Variants in OR14A16 observed in about 807,000 individuals in gnomAD.
OR14A16 encodes the protein olfactory receptor family 14 subfamily A member 16, also known as olfactory receptor 14A16.
For synonymous variants in OR14A16, 135 were observed against 137.6 expected (o/e 0.98, Z 0.13); for missense variants, 341 against 366.5 (o/e 0.93, Z 0.57).
In OR14A16 at chr1:247,815,025, G is replaced by T. The variant is rs771881988; in HGVS notation, c.705C>A (p.Ala235=). 4.3e-6 allele frequency: 7 copies of T among 1,613,450 alleles called. No individual in the cohort carries two copies. The highest frequency in any genetic ancestry group is 1.3e-5 in the African/African-American group (1 of 74,914). Residue 235 remains alanine (A), a synonymous_variant, in exon 3 of 3, where the codon GCC becomes GCA. Transcript: ENST00000641093. The stretch of plus-strand genomic sequence containing the variant: ...GCAAGTGTGGAAGGCAAATAGAGTA[G>T]GCTTTTGACTGGCCTTCTGTGGAAG... ...KIPSTEGQSK[A]YSICLPHLLV... is the part of the protein sequence containing the mutation.
At position 247,814,894 on chromosome 1, in the gene OR14A16, G is replaced by C. The variant is rs1460664134; in HGVS notation, c.836C>G (p.Pro279Arg). 5 of 1,613,906 alleles carry C rather than the reference G, an allele frequency of 3.1e-6. No individual in the cohort carries two copies. The highest frequency in any genetic ancestry group is 4.2e-6 in the Non-Finnish European group (5 of 1,179,924). ...GTATATAATGGGATTAAAGGTTGGG[G>C]GCAGCATAGTGTAGAACACAGAAAT... ...AVISVFYTML[P>R]PTFNPIIYSL... The change falls in exon 3 of 3, where the codon CCC becomes CGC. Residue 279 changes from proline to arginine, a missense_variant. Transcript: ENST00000641093.
chr1:247,818,002 A>C (rs1401796880), intron 2 of OR14A16, among the ~76,000 whole-genome samples: 1 of 152,146 alleles, frequency 6.6e-6, no homozygotes, highest in Non-Finnish European at 1.5e-5. Context: ...GGAAAAGCTA[A>C]TACTGCTACT....
intron 1 of OR14A16, among the ~76,000 whole-genome samples, chr1:247,819,378 C>T (rs1010956721): frequency 8.3e-6 from 1 of 120,410 alleles, no homozygotes; most frequent in Non-Finnish European, 1.8e-5. Flanking sequence ...GAGTTTAGCA[C>T]AGCCCCAGGG....
chr1:247,820,583 C>T (rs1465730120), intron 1 of OR14A16, among the ~76,000 whole-genome samples: 1 of 151,932 alleles, frequency 6.6e-6, no homozygotes, highest in African/African-American at 2.4e-5. Context: ...CGGTCGTGCA[C>T]ACCTGTAATC....
rs1662680342 is a variant in OR14A16, at chr1:247,819,135, T to C, written c.-88A>G. 3 of 152,176 alleles carry C rather than the reference T, an allele frequency of 2.0e-5. No homozygotes were observed. The highest frequency in any genetic ancestry group is 2.0e-4 in the Admixed American group (3 of 15,276). 9.4% of individuals were successfully genotyped at this position (152,176 alleles called of 1,614,324 possible). On this transcript the variant is annotated 5_prime_UTR_variant, in exon 2 of 3. It removes an upstream start codon present in the reference 5' UTR. Coordinates refer to ENST00000641093, the MANE Select transcript of OR14A16 (RefSeq NM_001001966.2). Reference sequence around the variant, plus strand: ...CTTGTTTTCAATGCTTCTTTATTCATTTATAGAGTGCTTACTAAAGGCCAG... The same window carrying C: ...CTTGTTTTCAATGCTTCTTTATTCACTTATAGAGTGCTTACTAAAGGCCAG...
chr1:247,814,726 G>T lies in OR14A16; in HGVS notation c.*74C>A. ...TTTAAATTTTTACTTTTAAGAATTA[G>T]AGATAAAAATGAAGAATTAATGTGT... On this transcript the variant is annotated 3_prime_UTR_variant, in exon 3 of 3. Coordinates refer to ENST00000641093, the MANE Select transcript of OR14A16 (RefSeq NM_001001966.2). The T allele has an allele frequency of 1.5e-6, 1 of 686,548 alleles. No homozygotes were observed. The highest frequency in any genetic ancestry group is 2.1e-6 in the Non-Finnish European group (1 of 465,678). The allele number at this position is 686,548 out of a possible 1,614,324, so 42.5% of individuals were successfully genotyped here. A position where few individuals can be genotyped will look rare whatever the true frequency, so the allele number is the denominator to read the frequency against.
chr1:247,815,020 G>C lies in OR14A16; in HGVS notation c.710C>G (p.Ser237Cys). ...PSTEGQSKAYSICLPHLLVVL... is the reference protein window; with the variant it reads ...PSTEGQSKAYCICLPHLLVVL... ...AACCAGCAAGTGTGGAAGGCAAATA[G>C]AGTAGGCTTTTGACTGGCCTTCTGT... The change falls in exon 3 of 3, where the codon TCT becomes TGT. Residue 237 changes from serine (S) to cysteine (C), a missense_variant. By Grantham distance (112) the Ser-to-Cys change is moderately radical. Coordinates refer to ENST00000641093, the MANE Select transcript of OR14A16 (RefSeq NM_001001966.2). 1 of 1,613,530 alleles carries C rather than the reference G, an allele frequency of 6.2e-7. No homozygotes were observed. Among genetic ancestry groups the C allele is most frequent in the Non-Finnish European group, 8.5e-7 (1 of 1,179,472 alleles).
At chr1:247,821,277 T>C (rs1446352662) in intron 1 of OR14A16, among the ~76,000 whole-genome samples, 2 of 152,244 alleles carry the variant, frequency 1.3e-5, no homozygotes, top group Non-Finnish European at 2.9e-5. Flanking sequence ...GTTAGGTCCA[T>C]CTGGTCTAAA....
At chr1:247,822,813 G>A (rs192114001) in intron 1 of OR14A16, among the ~76,000 whole-genome samples, 84 of 152,240 alleles carry the variant, frequency 5.5e-4, no homozygotes, top group African/African-American at 1.9e-3. Context: ...GGGTATTCTA[G>A]GAGCAAAGAC....
In OR14A16 at chr1:247,814,765, G is replaced by A. The variant is rs553466353; in HGVS notation, c.*35C>T. 44 of 1,146,204 alleles carry A rather than the reference G, an allele frequency of 3.8e-5. 1 individual carries two copies. In the South Asian group the frequency reaches 7.4e-4, roughly 19 times the overall value. The allele number at this position is 1,146,204 out of a possible 1,614,324, so 71.0% of individuals were successfully genotyped here. On this transcript the variant is annotated 3_prime_UTR_variant, in exon 3 of 3. Coordinates refer to ENST00000641093, the MANE Select transcript of OR14A16 (RefSeq NM_001001966.2). The stretch of plus-strand genomic sequence containing the variant: ...GAATTAATGTGTGTACATTATAAAT[G>A]GTATCTATTATTGAAAGAAGAAAAG...
rs1210876608 is a variant in OR14A16, at chr1:247,815,752, A to C, written c.-15-8T>G. On this transcript the variant is annotated splice_region_variant and splice_polypyrimidine_tract_variant and intron_variant, in intron 2 of 2. Coordinates refer to ENST00000641093, the MANE Select transcript of OR14A16 (RefSeq NM_001001966.2). ...CATTATTGCAGGAGTAATCTGCAGG[A>C]AAAGGAGAAGACTGAAGTAAAATAT... The C allele has an allele frequency of 7.9e-7, 1 of 1,265,382 alleles. No individual in the cohort carries two copies. Among genetic ancestry groups the C allele is most frequent in the African/African-American group, 1.5e-5 (1 of 68,232 alleles). 78.4% of individuals were successfully genotyped at this position (1,265,382 alleles called of 1,614,324 possible). A position where few individuals can be genotyped will look rare whatever the true frequency, so the allele number is the denominator to read the frequency against.
chr1:247,816,055 CTTAAAAACAAAGTT>C (rs1364756260), intron 2 of OR14A16, among the ~76,000 whole-genome samples: 2 of 152,104 alleles, frequency 1.3e-5, no homozygotes, highest in African/African-American at 4.8e-5. Context: ...GTTATCAAAA[CTTAAAAACAAAGTT>C]TTCCTGCCCA....
chr1:247,821,329 A>T (rs923087798), intron 1 of OR14A16, among the ~76,000 whole-genome samples: 7 of 152,200 alleles, frequency 4.6e-5, no homozygotes, highest in Admixed American at 2.0e-4. Context: ...CTGCTGGATG[A>T]TTACTAATAC....
rs1363800218 is a variant in OR14A16 at position 247,815,331 on chromosome 1, G to C, written c.399C>G (p.Ile133Met). ...TTTGGACACAGGTGCTCCTGTCCAT[G>C]ATGACATCATAGTGCAGAGGGTGAC... ...AICHPLHYDVIMDRSTCVQRA... is the reference protein window; with the variant it reads ...AICHPLHYDVMMDRSTCVQRA... The change falls in exon 3 of 3, where the codon ATC becomes ATG. Residue 133 changes from isoleucine (I) to methionine (M), a missense_variant. Physicochemically the swap from Ile to Met is conservative, Grantham distance 10. Coordinates refer to ENST00000641093, the MANE Select transcript of OR14A16 (RefSeq NM_001001966.2). 7 of 1,613,974 alleles carry C rather than the reference G, an allele frequency of 4.3e-6. No individual in the cohort carries two copies. Among genetic ancestry groups the C allele is most frequent in the Non-Finnish European group, 5.9e-6 (7 of 1,180,032 alleles).
chr1:247,817,073 A>T (rs1011584382), intron 2 of OR14A16, among the ~76,000 whole-genome samples: 1 of 152,194 alleles, frequency 6.6e-6, no homozygotes, highest in Non-Finnish European at 1.5e-5. Flanking sequence ...GTGGTTATTC[A>T]TTCGTATTGC....
At chr1:247,821,257 G>A (rs1213479718) in intron 1 of OR14A16, among the ~76,000 whole-genome samples, 1 of 152,148 alleles carries the variant, frequency 6.6e-6, no homozygotes, top group Non-Finnish European at 1.5e-5. Flanking sequence ...GGAATGTTTG[G>A]GATGTGTCTG....
chr1:247,823,116 T>C (rs890693305), intron 1 of OR14A16, among the ~76,000 whole-genome samples: 2 of 152,226 alleles, frequency 1.3e-5, no homozygotes, highest in Middle Eastern at 3.2e-3. Flanking sequence ...CTGCAGAACC[T>C]ACATTCCACT....
At chr1:247,816,191 CCAAGAATTTGAA>C (rs1271310707) in intron 2 of OR14A16, among the ~76,000 whole-genome samples, 1 of 152,176 alleles carries the variant, frequency 6.6e-6, no homozygotes, top group African/African-American at 2.4e-5. Flanking sequence ...AACACACCTT[CCAAGAATTTGAA>C]CAATTAACAA....
chr1:247,823,054 C>G lies in OR14A16; in HGVS notation c.-131+899G>C, dbSNP rs114586010. ...TATTGATTTGTATTCCTTATTCCCA[C>G]TACCCTTTGTGGGGTGCCTGATATC... On this transcript the variant is annotated intron_variant, in intron 1 of 2. Coordinates refer to ENST00000641093, the MANE Select transcript of OR14A16 (RefSeq NM_001001966.2). Among the ~76,000 whole-genome samples, 1,513 of 152,342 alleles carry G rather than the reference C, an allele frequency of 9.9e-3. 14 individuals carry two copies. Among genetic ancestry groups the G allele is most frequent in the African/African-American group, 0.033 (1,366 of 41,582 alleles).
Sources: gnomAD v4.1 joint callset for allele counts (sites outside exome capture counted in the v4.1 genomes callset) on GRCh38, gnomAD v4.1.1 for gene constraint, MANE v1.5 for transcripts, NCBI Gene and HGNC (gene_info 2026-07-23, HGNC 2026-07-21) for gene names.